Variants in SEMA3A observed in about 807,000 individuals in gnomAD.
The protein encoded by SEMA3A is semaphorin 3A.
SEMA3A carries 29 observed loss-of-function variants against 97.9 expected under a neutral mutation model. That is an observed-to-expected ratio of 0.30 (90% CI 0.22 to 0.40). SEMA3A has a LOEUF of 0.40. Among genes scored for constraint, SEMA3A ranks in the 10% least tolerant of loss-of-function variants. The probability of loss-of-function intolerance (pLI) is 1.00; values close to 1 mark genes in which losing one functional copy is unlikely to be tolerated. For missense variants in SEMA3A, 763 were observed against 951.3 expected, an observed-to-expected ratio of 0.80 and a Z score of 2.60; for synonymous variants, 321 against 323.7, an observed-to-expected ratio of 0.99 and a Z score of 0.09.
At chr7:84,246,391 G>C (rs148378140) in intron 3 of SEMA3A, among the ~76,000 whole-genome samples, 1 of 152,020 alleles carries the variant, frequency 6.6e-6, no homozygotes, top group Non-Finnish European at 1.5e-5. Flanking sequence ...TTAAACTTAC[G>C]TATGTCAAAA....
At chr7:84,425,363 T>G (rs1245953798) in intron 1 of SEMA3A, among the ~76,000 whole-genome samples, 1 of 130,688 alleles carries the variant, frequency 7.7e-6, no homozygotes, top group Non-Finnish European at 1.5e-5. Flanking sequence ...ATACATATAC[T>G]ATATTAATAT....
chr7:84,298,708 C>T (rs1388774494), intron 3 of SEMA3A, among the ~76,000 whole-genome samples: 1 of 152,142 alleles, frequency 6.6e-6, no homozygotes, highest in African/African-American at 2.4e-5. Context: ...TACATATTAT[C>T]TGTGATGGTT....
chr7:84,406,175 G>C (rs1804080989), intron 1 of SEMA3A, among the ~76,000 whole-genome samples: 1 of 152,098 alleles, frequency 6.6e-6, no homozygotes, highest in Non-Finnish European at 1.5e-5. Context: ...GAAGAAAAGA[G>C]AGAAGTATCA....
At chr7:84,199,800 G>GA (rs1325587669), upstream of SEMA3A, among the ~76,000 whole-genome samples, 3 of 151,998 alleles carry the variant, frequency 2.0e-5, no homozygotes, top group African/African-American at 7.2e-5. Flanking sequence ...ATTAATTGGA[G>GA]AAAATAAATA....
chr7:84,021,340 A>G (rs62473927), intron 6 of SEMA3A, among the ~76,000 whole-genome samples: 34,391 of 152,140 alleles, frequency 0.23, 4,196 homozygotes, highest in Non-Finnish European at 0.28. Flanking sequence ...CTGCATTTTC[A>G]TATTTGTCTT....
At chr7:84,133,400 A>G (rs1487254090) in intron 2 of SEMA3A, among the ~76,000 whole-genome samples, 1 of 152,174 alleles carries the variant, frequency 6.6e-6, no homozygotes, top group Admixed American at 6.5e-5. Flanking sequence ...TTAAAACTGC[A>G]TTTTATCCCA....
intron 2 of SEMA3A, among the ~76,000 whole-genome samples, chr7:84,359,988 C>G (rs998598321): frequency 6.8e-6 from 1 of 148,050 alleles, no homozygotes; most frequent in African/African-American, 2.5e-5. Flanking sequence ...GGTGATATCC[C>G]CTTTATCATT....
At chr7:84,344,029 T>A (rs1047402024) in intron 2 of SEMA3A, among the ~76,000 whole-genome samples, 10 of 151,280 alleles carry the variant, frequency 6.6e-5, no homozygotes, top group African/African-American at 2.4e-4. Flanking sequence ...AAAAAGAAAA[T>A]TTGTAATATT....
chr7:84,372,837 C>T lies in SEMA3A; in HGVS notation c.-245-937G>A, dbSNP rs541332039. 1.3e-4 allele frequency among the ~76,000 whole-genome samples: 20 copies of T among 152,168 alleles called. 1 individual carries two copies. In the East Asian group the frequency reaches 3.1e-3, roughly 24 times the overall value. On this transcript the variant is annotated intron_variant, in intron 1 of 3. Coordinates refer to the SEMA3A transcript ENST00000424555. ...TATTACTGGCACTACTTCTCACTTCCGTCTTATCTCCATGCTTTTTGCCAT... is the reference window on the plus strand; with the variant it reads ...TATTACTGGCACTACTTCTCACTTCTGTCTTATCTCCATGCTTTTTGCCAT...
chr7:84,401,922 C>A (rs777607942), intron 1 of SEMA3A, among the ~76,000 whole-genome samples: 2 of 152,124 alleles, frequency 1.3e-5, no homozygotes, highest in Non-Finnish European at 2.9e-5. Context: ...CAGAGAAATG[C>A]TTCAGGATGC....
At position 84,244,137 on chromosome 7, in the gene SEMA3A, C is replaced by T. The variant is rs561309891; in HGVS notation, c.-82-49469G>A. Among the ~76,000 whole-genome samples, 33 of 152,212 alleles carry T rather than the reference C, an allele frequency of 2.2e-4. 1 individual carries two copies. In the South Asian group the frequency reaches 6.6e-3, roughly 31 times the overall value. ...CCTTGGTCCAGAGCTGAGTTCAAGT[C>T]CTGAATATCCTTGTTAATTTTCTGT... is the stretch of plus-strand genomic sequence containing the variant. On this transcript the variant is annotated intron_variant, in intron 3 of 3. Coordinates refer to the SEMA3A transcript ENST00000424555.
At chr7:84,191,934 A>T (rs1798053277) in intron 1 of SEMA3A, among the ~76,000 whole-genome samples, 1 of 151,914 alleles carries the variant, frequency 6.6e-6, no homozygotes, top group South Asian at 2.1e-4. Context: ...CCCGCTACAA[A>T]GGCCACTTTC....
chr7:84,138,260 T>C (rs191196803), intron 1 of SEMA3A, among the ~76,000 whole-genome samples: 14 of 152,238 alleles, frequency 9.2e-5, no homozygotes, highest in African/African-American at 3.4e-4. Flanking sequence ...GTGTCCTAAC[T>C]TGTAAACATC....
At chr7:84,286,581 C>T (rs1022595613) in intron 3 of SEMA3A, among the ~76,000 whole-genome samples, 2 of 152,030 alleles carry the variant, frequency 1.3e-5, no homozygotes, top group Non-Finnish European at 2.9e-5. Context: ...TGACAAAAAT[C>T]ATGTTAATAC....
intron 6 of SEMA3A, among the ~76,000 whole-genome samples, chr7:84,018,199 C>T (rs1791181604): frequency 6.6e-6 from 1 of 152,044 alleles, no homozygotes; most frequent in African/African-American, 2.4e-5. Flanking sequence ...AGCAATAACT[C>T]CCTCCTTTTC....
At chr7:84,348,742 T>C (rs910237021) in intron 2 of SEMA3A, among the ~76,000 whole-genome samples, 1 of 152,180 alleles carries the variant, frequency 6.6e-6, no homozygotes, top group Admixed American at 6.5e-5. Context: ...CCCAGCACTT[T>C]GGGAGGCCAA....
chr7:84,054,150 T>G (rs1792828736), intron 5 of SEMA3A, among the ~76,000 whole-genome samples: 1 of 152,324 alleles, frequency 6.6e-6, no homozygotes, highest in African/African-American at 2.4e-5. Context: ...TTAATATTTT[T>G]TCCTTCATTT....
chr7:84,151,171 A>G (rs1242670990), intron 1 of SEMA3A, among the ~76,000 whole-genome samples: 2 of 151,868 alleles, frequency 1.3e-5, no homozygotes, highest in African/African-American at 2.4e-5. Flanking sequence ...GAAACTCTAA[A>G]AATCAGAGCG....
chr7:84,407,086 A>C (rs1356989779), intron 1 of SEMA3A, among the ~76,000 whole-genome samples: 1 of 152,178 alleles, frequency 6.6e-6, no homozygotes, highest in East Asian at 1.9e-4. Context: ...AAGGGTATTC[A>C]ATTAGGAAAA....
Sources: gnomAD v4.1 joint callset for allele counts (sites outside exome capture counted in the v4.1 genomes callset) on GRCh38, gnomAD v4.1.1 for gene constraint, MANE v1.5 for transcripts, NCBI Gene and HGNC (gene_info 2026-07-23, HGNC 2026-07-21) for gene names.